FGD3: variants seen among roughly 807,000 people sequenced by gnomAD.
FGD3 encodes FYVE, RhoGEF and PH domain-containing protein 3.
A neutral mutation model predicts 71.8 loss-of-function variants in FGD3; 45 were observed. The ratio of observed to expected loss-of-function variants is 0.63; its 90% CI spans 0.49 to 0.80. FGD3 has a LOEUF of 0.80. Ranked by LOEUF, FGD3 falls within the 30% of genes least tolerant of loss-of-function variation. The probability of loss-of-function intolerance (pLI) is 0.00; values close to 1 mark genes in which losing one functional copy is unlikely to be tolerated. For missense variants in FGD3, 844 were observed against 951.5 expected (o/e 0.89, Z 1.49); for synonymous variants, 378 against 392.8 (o/e 0.96, Z 0.44).
chr9:92,979,793 T>C (rs373891680), intron 3 of FGD3, among the ~76,000 whole-genome samples: 2 of 152,332 alleles, frequency 1.3e-5, no homozygotes, highest in African/African-American at 4.8e-5. Context: ...TCATTATTGC[T>C]CTTTCAAATT....
At chr9:92,951,680 A>T (rs1858957129) in intron 1 of FGD3, among the ~76,000 whole-genome samples, 1 of 152,170 alleles carries the variant, frequency 6.6e-6, no homozygotes, top group Admixed American at 6.5e-5. Flanking sequence ...GTCTCAAAAA[A>T]ATTAATTAAT....
At chr9:93,005,643 T>C (rs1044638416) in intron 5 of FGD3, among the ~76,000 whole-genome samples, 7 of 152,246 alleles carry the variant, frequency 4.6e-5, no homozygotes, top group African/African-American at 7.2e-5. Context: ...TTCACCAGCA[T>C]TGGATAGAAC....
chr9:93,035,474 CA>C lies in FGD3; in HGVS notation c.2064del (p.Glu689SerfsTer10). The C allele has an allele frequency of 6.2e-7, 1 of 1,613,598 alleles. No individual in the cohort carries two copies. Among genetic ancestry groups the C allele is most frequent in the Non-Finnish European group, 8.5e-7 (1 of 1,179,992 alleles). On this transcript the variant is annotated frameshift_variant, in exon 18 of 18. Transcript: ENST00000375482. LOFTEE classifies it low-confidence loss of function (END_TRUNC). ...TCCTGGTACCTGAGCGCCTCCTCCGCAGAGCTGCAGCAGCAGTGGCTGGAAA... is the reference window on the plus strand; with the variant it reads ...TCCTGGTACCTGAGCGCCTCCTCCGCGAGCTGCAGCAGCAGTGGCTGGAAA... ...KQSWYLSASSAELQQQWLETL... is the reference protein window; with the variant it reads ...KQSWYLSASSXELQQQWLETL...
intron 10 of FGD3, among the ~76,000 whole-genome samples, chr9:93,017,003 T>A (rs1587860492): frequency 6.6e-6 from 1 of 152,234 alleles, no homozygotes; most frequent in East Asian, 1.9e-4. Flanking sequence ...TTTCGCTGGC[T>A]CACGCCTACA....
intron 1 of FGD3, among the ~76,000 whole-genome samples, chr9:92,957,021 G>A (rs934346033): frequency 6.6e-6 from 1 of 152,036 alleles, no homozygotes; most frequent in African/African-American, 2.4e-5. Context: ...TGTTATATCA[G>A]TGGCTTACTC....
intron 3 of FGD3, among the ~76,000 whole-genome samples, chr9:92,981,886 G>A (rs1860014143): frequency 6.6e-6 from 1 of 151,874 alleles, no homozygotes; most frequent in African/African-American, 2.4e-5. Context: ...ACATATACCT[G>A]AGTTACATAG....
At chr9:92,966,939 CAT>C (rs770956803) in intron 1 of FGD3, among the ~76,000 whole-genome samples, 42 of 151,796 alleles carry the variant, frequency 2.8e-4, no homozygotes, top group Non-Finnish European at 5.7e-4. Context: ...TAACCTAAAA[CAT>C]AGCACTTTCA....
intron 15 of FGD3, among the ~76,000 whole-genome samples, chr9:93,031,120 T>A (rs1351781986): frequency 3.3e-5 from 5 of 152,018 alleles, no homozygotes; most frequent in Non-Finnish European, 5.9e-5. Flanking sequence ...GGATGATGGA[T>A]GGATGAATGT....
At chr9:93,007,183 C>T (rs1424302015) in intron 6 of FGD3, among the ~76,000 whole-genome samples, 1 of 149,864 alleles carries the variant, frequency 6.7e-6, no homozygotes, top group African/African-American at 2.5e-5. Context: ...CTCCGCCTCC[C>T]AGGTTCACGC....
intron 3 of FGD3, among the ~76,000 whole-genome samples, chr9:92,999,364 C>T (rs561420704): frequency 1.1e-4 from 17 of 152,180 alleles, no homozygotes; most frequent in Middle Eastern, 3.4e-3. Context: ...TTCCAGGTAC[C>T]GTCTGTCACG....
chr9:93,018,177 C>T lies in FGD3; in HGVS notation c.1317C>T (p.Ile439=). The T allele has an allele frequency of 1.9e-6, 3 of 1,614,192 alleles. No homozygotes were observed. Among genetic ancestry groups the T allele is most frequent in the Non-Finnish European group, 2.5e-6 (3 of 1,180,024 alleles). The part of the protein sequence containing the change: ...IVKPNTAHTF[I]ITGRKRSLEL... ...AGCCAAACACAGCACATACATTCAT[C>T]ATAACAGGAAGAAAAAGGTCCCTGG... The change falls in exon 11 of 18, where the codon ATC becomes ATT. Residue 439 remains isoleucine, a synonymous_variant. Coordinates refer to ENST00000375482, the MANE Select transcript of FGD3 (RefSeq NM_001083536.2).
intron 1 of FGD3, among the ~76,000 whole-genome samples, chr9:92,963,095 A>T (rs1012806037): frequency 3.9e-5 from 6 of 152,154 alleles, no homozygotes; most frequent in Non-Finnish European, 8.8e-5. Context: ...ACTTAGGGAC[A>T]AACTCCACAT....
At chr9:92,966,918 T>C (rs973101945) in intron 1 of FGD3, among the ~76,000 whole-genome samples, 1 of 152,062 alleles carries the variant, frequency 6.6e-6, no homozygotes, top group African/African-American at 2.4e-5. Context: ...AAAATGGCAG[T>C]AAAATACACA....
At chr9:92,964,883 C>T (rs1423124729) in intron 1 of FGD3, among the ~76,000 whole-genome samples, 2 of 152,284 alleles carry the variant, frequency 1.3e-5, no homozygotes, top group South Asian at 2.1e-4. Context: ...CCAGACGTGT[C>T]CTGGGGGCTA....
intron 3 of FGD3, among the ~76,000 whole-genome samples, chr9:92,981,324 CGCCACTGCACTCCA>C: frequency 6.8e-6 from 1 of 147,702 alleles, no homozygotes; most frequent in Admixed American, 6.9e-5. Flanking sequence ...CCTGATATCG[CGCCACTGCACTCCA>C]GCCTGGGTGA....
chr9:93,033,751 C>T (rs182859455), intron 16 of FGD3: 54 of 151,772 alleles, frequency 3.6e-4, no homozygotes, highest in African/African-American at 1.3e-3. Flanking sequence ...GATCTCCCTC[C>T]TAGAGGCTCA....
intron 14 of FGD3, among the ~76,000 whole-genome samples, chr9:93,028,504 A>G (rs1587871914): frequency 6.6e-6 from 1 of 152,106 alleles, no homozygotes; most frequent in Non-Finnish European, 1.5e-5. Flanking sequence ...TTCGGCACCC[A>G]TAACAAAGTG....
chr9:92,961,527 C>G (rs995316836), intron 1 of FGD3, among the ~76,000 whole-genome samples: 1 of 152,220 alleles, frequency 6.6e-6, no homozygotes, highest in African/African-American at 2.4e-5. Flanking sequence ...CCACTGTGGG[C>G]TGATCCCACC....
chr9:93,017,276 A>C (rs1202566152), intron 10 of FGD3, among the ~76,000 whole-genome samples: 3 of 152,182 alleles, frequency 2.0e-5, no homozygotes, highest in Admixed American at 6.5e-5. Flanking sequence ...TGTCTCAAAA[A>C]TAATTTTAAA....
Sources: gnomAD v4.1 joint callset for allele counts (sites outside exome capture counted in the v4.1 genomes callset) on GRCh38, gnomAD v4.1.1 for gene constraint, MANE v1.5 for transcripts, NCBI Gene and HGNC (gene_info 2026-07-23, HGNC 2026-07-21) for gene names.